EXOC2: variants seen among roughly 807,000 people sequenced by gnomAD.
EXOC2 encodes SEC5-like 1.
Under a neutral mutation model 131.8 loss-of-function variants are expected in EXOC2, and 70 were observed. The observed-to-expected ratio is 0.53, with a 90% CI of 0.44 to 0.65. The LOEUF is 0.65. Among genes scored for constraint, EXOC2 ranks in the 30% least tolerant of loss-of-function variants. EXOC2 has a pLI of 0.00. For synonymous variants in EXOC2, 411 were observed against 398.4 expected, an observed-to-expected ratio of 1.03 and a Z score of -0.38; for missense variants, 923 against 1,108.6, an observed-to-expected ratio of 0.83 and a Z score of 2.38.
chr6:622,309 T>C (rs550233654), intron 4 of EXOC2, among the ~76,000 whole-genome samples: 3 of 152,298 alleles, frequency 2.0e-5, no homozygotes. Flanking sequence ...TCTTCACACC[T>C]GATTTAAGTA....
At chr6:488,628 C>CT (rs1763235498) in intron 27 of EXOC2, among the ~76,000 whole-genome samples, 1 of 151,442 alleles carries the variant, frequency 6.6e-6, no homozygotes, top group Non-Finnish European at 1.5e-5. Flanking sequence ...ATGCTGTCTT[C>CT]TTTTTTCCAT....
At chr6:674,633 C>A (rs558530279) in intron 1 of EXOC2, among the ~76,000 whole-genome samples, 1 of 152,182 alleles carries the variant, frequency 6.6e-6, no homozygotes, top group Admixed American at 6.5e-5. Context: ...ATAAGAAACA[C>A]TACTGTACTG....
intron 1 of EXOC2, among the ~76,000 whole-genome samples, chr6:642,402 G>A (rs1316115799): frequency 2.0e-5 from 3 of 152,180 alleles, no homozygotes; most frequent in Non-Finnish European, 4.4e-5. Flanking sequence ...GGTGTCCGCT[G>A]GAGAGCTGCT....
intron 22 of EXOC2, among the ~76,000 whole-genome samples, chr6:545,257 C>A (rs1235544471): frequency 6.7e-6 from 1 of 150,342 alleles, no homozygotes. Flanking sequence ...TATACAAATT[C>A]TGAATTAGAT....
chr6:532,483 C>A lies in EXOC2; in HGVS notation c.2366G>T (p.Cys789Phe). 6.3e-7 allele frequency: 1 copy of A among 1,597,742 alleles called. No individual in the cohort carries two copies. Among genetic ancestry groups the A allele is most frequent in the South Asian group, 1.1e-5 (1 of 87,158 alleles). Residue 789 changes from cysteine (C) to phenylalanine (F), a missense_variant, in exon 23 of 28, where the codon TGC (cysteine) becomes TTC (phenylalanine). Physicochemically the swap from Cys to Phe is radical, Grantham distance 205. Coordinates refer to ENST00000230449, the MANE Select transcript of EXOC2 (RefSeq NM_018303.6). Reference sequence around the variant, plus strand: ...TTATTACTTACCTGTTGGAGGCAGGCAGTCCTTCCAATCAAAATATCCTGC... The same window carrying A: ...TTATTACTTACCTGTTGGAGGCAGGAAGTCCTTCCAATCAAAATATCCTGC... Reference protein sequence around the residue: ...IYAGYFDWKDCLPPTGVRNYL... With the variant: ...IYAGYFDWKDFLPPTGVRNYL...
chr6:518,494 A>G (rs1371016453), intron 23 of EXOC2, among the ~76,000 whole-genome samples: 1 of 152,262 alleles, frequency 6.6e-6, no homozygotes, highest in Non-Finnish European at 1.5e-5. Context: ...TAATAAAATA[A>G]ATACTTTAGC....
In EXOC2 at chr6:488,999, A is replaced by T. The variant is rs1247159744; in HGVS notation, c.2661T>A (p.Leu887=). ...FKQALEALPQ[L]SSGADKKLLE... Reference sequence around the variant, plus strand: ...CTTACTTTTTATCTGCTCCACTGGAAAGCTGGGGCAGGGCTTCCAAAGCCT... The same window carrying T: ...CTTACTTTTTATCTGCTCCACTGGATAGCTGGGGCAGGGCTTCCAAAGCCT... The change falls in exon 27 of 28, where the codon CTT becomes CTA. Residue 887 remains leucine, a synonymous_variant. Transcript: ENST00000230449. 3 of 1,613,876 alleles carry T rather than the reference A, an allele frequency of 1.9e-6. No homozygotes were observed. Among genetic ancestry groups the T allele is most frequent in the Non-Finnish European group, 2.5e-6 (3 of 1,179,932 alleles).
chr6:524,029 G>A (rs898143740), intron 23 of EXOC2: 14 of 152,206 alleles, frequency 9.2e-5, no homozygotes, highest in African/African-American at 3.1e-4. Flanking sequence ...AGCCGCAAAG[G>A]GAGGAGAACT....
chr6:571,826 A>G (rs1026234254), intron 13 of EXOC2, among the ~76,000 whole-genome samples: 3 of 152,142 alleles, frequency 2.0e-5, no homozygotes, highest in Admixed American at 2.0e-4. Flanking sequence ...CCTAGGACAA[A>G]GGGCGTTAGA....
Position 621,820 on chromosome 6 carries a change from T to C in EXOC2, c.423-2277A>G, listed in dbSNP as rs1761308190. 2.6e-5 allele frequency among the ~76,000 whole-genome samples: 4 copies of C among 152,346 alleles called. No homozygotes were observed. In the South Asian group the frequency reaches 8.3e-4, roughly 32 times the overall value. On this transcript the variant is annotated intron_variant, in intron 4 of 27. Transcript: ENST00000230449. ...ACTTTGAGTTTTTAGAAGTTTATTT[T>C]GGTTTGGATTCTTCATGCTGGTTCT... is the stretch of plus-strand genomic sequence containing the variant.
intron 27 of EXOC2, among the ~76,000 whole-genome samples, chr6:488,111 G>A (rs184932284): frequency 9.2e-5 from 14 of 152,378 alleles, no homozygotes; most frequent in Admixed American, 5.9e-4. Flanking sequence ...CGTGGGATGC[G>A]TGCGGGGCGG....
At chr6:584,839 T>C (rs1759113148) in intron 11 of EXOC2, among the ~76,000 whole-genome samples, 1 of 152,256 alleles carries the variant, frequency 6.6e-6, no homozygotes, top group Admixed American at 6.5e-5. Context: ...ACTTTCTCTA[T>C]GAGTAGCCTG....
chr6:678,821 T>C (rs1052012549), intron 1 of EXOC2, among the ~76,000 whole-genome samples: 1 of 152,172 alleles, frequency 6.6e-6, no homozygotes, highest in Non-Finnish European at 1.5e-5. Context: ...AAGCTGAATT[T>C]TATTCTAAAC....
chr6:663,005 A>C (rs1763488905), intron 1 of EXOC2, among the ~76,000 whole-genome samples: 1 of 152,072 alleles, frequency 6.6e-6, no homozygotes, highest in Non-Finnish European at 1.5e-5. Flanking sequence ...AAAAAAACAA[A>C]TCCTGGTTCT....
At chr6:521,042 C>T (rs1295185231) in intron 23 of EXOC2, among the ~76,000 whole-genome samples, 67 of 146,252 alleles carry the variant, frequency 4.6e-4, no homozygotes, top group African/African-American at 1.5e-3. Context: ...AGCGCCGACA[C>T]TCGCCGTCCA....
chr6:559,156 C>A (rs1159610598), intron 17 of EXOC2, among the ~76,000 whole-genome samples: 1 of 152,072 alleles, frequency 6.6e-6, no homozygotes, highest in East Asian at 1.9e-4. Context: ...TCAGAATTAT[C>A]CAAATTGAAA....
At chr6:653,896 G>C (rs1762940884) in intron 1 of EXOC2, among the ~76,000 whole-genome samples, 1 of 152,198 alleles carries the variant, frequency 6.6e-6, no homozygotes, top group Non-Finnish European at 1.5e-5. Flanking sequence ...GTAATTTTCA[G>C]TTGAAGCCAA....
chr6:541,524 A>G (rs1756533962), intron 22 of EXOC2, among the ~76,000 whole-genome samples: 1 of 152,190 alleles, frequency 6.6e-6, no homozygotes, highest in Non-Finnish European at 1.5e-5. Flanking sequence ...TAAAAATACA[A>G]ACAAGCGATA....
chr6:612,472 A>G (rs1760764653), intron 6 of EXOC2, among the ~76,000 whole-genome samples: 1 of 152,260 alleles, frequency 6.6e-6, no homozygotes, highest in Non-Finnish European at 1.5e-5. Flanking sequence ...TTATCAGAGT[A>G]GACAAATCAT....
Sources: gnomAD v4.1 joint callset for allele counts (sites outside exome capture counted in the v4.1 genomes callset) on GRCh38, gnomAD v4.1.1 for gene constraint, MANE v1.5 for transcripts, NCBI Gene and HGNC (gene_info 2026-07-23, HGNC 2026-07-21) for gene names.